Variants in GUCY1A2 observed in about 807,000 individuals in gnomAD.
The protein encoded by GUCY1A2 is guanylate cyclase 1 soluble subunit alpha 2, also known as guanylate cyclase soluble subunit alpha-2.
In GUCY1A2, 27 loss-of-function variants were observed where a neutral mutation model predicts 63.5. That is an observed-to-expected ratio of 0.43 (90% CI 0.31 to 0.59). GUCY1A2 has a LOEUF of 0.59. Ranked by LOEUF, GUCY1A2 falls within the 20% of genes least tolerant of loss-of-function variation. The probability of loss-of-function intolerance (pLI) is 0.11; values close to 1 mark genes in which losing one functional copy is unlikely to be tolerated. For synonymous variants in GUCY1A2, 364 were observed against 343.5 expected (o/e 1.06, Z -0.66); for missense variants, 768 against 913.3 (o/e 0.84, Z 2.05).
intron 6 of GUCY1A2, chr11:106,746,453 A>G (rs990411150): frequency 6.5e-6 from 4 of 613,160 alleles, no homozygotes; most frequent in African/African-American, 3.7e-5. Flanking sequence ...ATGATATTTG[A>G]ATAAATGAAT....
intron 4 of GUCY1A2, among the ~76,000 whole-genome samples, chr11:106,857,393 C>T (rs1329006293): frequency 6.6e-6 from 1 of 152,176 alleles, no homozygotes; most frequent in Non-Finnish European, 1.5e-5. Context: ...GCTCCACCTC[C>T]AAGTACCAAC....
chr11:106,874,524 TTTG>T (rs1859723712), intron 4 of GUCY1A2, among the ~76,000 whole-genome samples: 1 of 152,152 alleles, frequency 6.6e-6, no homozygotes, highest in Non-Finnish European at 1.5e-5. Flanking sequence ...GCTCTGTTCA[TTTG>T]TTGTTTCCAA....
At chr11:106,818,776 A>G (rs902706076) in intron 4 of GUCY1A2, among the ~76,000 whole-genome samples, 2 of 152,168 alleles carry the variant, frequency 1.3e-5, no homozygotes, top group Non-Finnish European at 2.9e-5. Flanking sequence ...ATGATAAGAA[A>G]CTAAAACAGT....
intron 4 of GUCY1A2, among the ~76,000 whole-genome samples, chr11:106,900,489 C>T (rs1445082435): frequency 6.6e-6 from 1 of 152,342 alleles, no homozygotes; most frequent in East Asian, 1.9e-4. Context: ...ATCTAAAAGA[C>T]ATAATTGCGT....
chr11:106,899,837 C>T (rs1392753198), intron 4 of GUCY1A2, among the ~76,000 whole-genome samples: 4 of 152,118 alleles, frequency 2.6e-5, no homozygotes, highest in Admixed American at 6.5e-5. Flanking sequence ...GTAATCCCAG[C>T]ACTTTGGGAG....
At chr11:106,773,390 T>C (rs1189279211) in intron 6 of GUCY1A2, among the ~76,000 whole-genome samples, 3 of 152,202 alleles carry the variant, frequency 2.0e-5, no homozygotes, top group Non-Finnish European at 4.4e-5. Context: ...CTATATGGTA[T>C]ACCAAGGTAT....
At chr11:106,951,373 T>G (rs931388214) in intron 3 of GUCY1A2, among the ~76,000 whole-genome samples, 2 of 152,234 alleles carry the variant, frequency 1.3e-5, no homozygotes, top group Non-Finnish European at 2.9e-5. Context: ...ACAAAAGCAT[T>G]CCTACTTCTC....
At chr11:106,867,361 C>T (rs1330408612) in intron 4 of GUCY1A2, among the ~76,000 whole-genome samples, 6 of 152,014 alleles carry the variant, frequency 3.9e-5, no homozygotes, top group Admixed American at 2.0e-4. Context: ...GATAGACATA[C>T]GTATCAGACA....
chr11:106,861,186 G>A (rs1859506665), intron 4 of GUCY1A2, among the ~76,000 whole-genome samples: 1 of 151,914 alleles, frequency 6.6e-6, no homozygotes, highest in African/African-American at 2.4e-5. Flanking sequence ...CAAGGTTGCA[G>A]ACCTCATAAC....
intron 4 of GUCY1A2, among the ~76,000 whole-genome samples, chr11:106,924,622 T>C (rs1176054972): frequency 6.6e-6 from 1 of 152,200 alleles, no homozygotes; most frequent in Non-Finnish European, 1.5e-5. Context: ...GGCCTTAGTA[T>C]GTCTCTACCT....
chr11:106,838,660 G>A (rs764361046), intron 4 of GUCY1A2, among the ~76,000 whole-genome samples: 127 of 151,724 alleles, frequency 8.4e-4, no homozygotes, highest in Non-Finnish European at 1.6e-3. Context: ...TTCGTGATTT[G>A]AAAAATGTCA....
chr11:106,703,880 A>C (rs1012682293), intron 7 of GUCY1A2, among the ~76,000 whole-genome samples: 1 of 151,972 alleles, frequency 6.6e-6, no homozygotes, highest in East Asian at 1.9e-4. Flanking sequence ...TACATATATG[A>C]TTCCCACATT....
chr11:106,694,678 C>T (rs623018), intron 7 of GUCY1A2, among the ~76,000 whole-genome samples: 14,443 of 152,176 alleles, frequency 0.095, 988 homozygotes, highest in East Asian at 0.31. Context: ...CATATTTAGG[C>T]ATCCATTTTT....
At chr11:106,700,880 T>G (rs538847233) in intron 7 of GUCY1A2, among the ~76,000 whole-genome samples, 135 of 152,098 alleles carry the variant, frequency 8.9e-4, no homozygotes, top group African/African-American at 3.0e-3. Flanking sequence ...ACATTAAGCG[T>G]CCATAGGAAG....
chr11:106,872,312 G>A (rs1322799096), intron 4 of GUCY1A2, among the ~76,000 whole-genome samples: 2 of 152,196 alleles, frequency 1.3e-5, no homozygotes, highest in Admixed American at 1.3e-4. Context: ...GACAATTATA[G>A]CAATAAAAAT....
chr11:106,823,125 T>C (rs988025929), intron 4 of GUCY1A2, among the ~76,000 whole-genome samples: 2 of 152,256 alleles, frequency 1.3e-5, no homozygotes, highest in African/African-American at 4.8e-5. Context: ...AGGGGGAACA[T>C]GTACATGTTT....
At chr11:106,688,920 G>A (rs1862573949) in intron 7 of GUCY1A2, among the ~76,000 whole-genome samples, 2 of 152,154 alleles carry the variant, frequency 1.3e-5, no homozygotes, top group South Asian at 2.1e-4. Flanking sequence ...GGTTAAGGCT[G>A]GGGCAGTAGG....
chr11:106,850,995 C>T (rs776522691), intron 4 of GUCY1A2, among the ~76,000 whole-genome samples: 1 of 151,852 alleles, frequency 6.6e-6, no homozygotes, highest in Non-Finnish European at 1.5e-5. Flanking sequence ...GCATCTTTGC[C>T]AGCATTTGTT....
At chr11:106,881,660 C>T (rs1036132817) in intron 4 of GUCY1A2, among the ~76,000 whole-genome samples, 22 of 151,988 alleles carry the variant, frequency 1.4e-4, no homozygotes, top group Admixed American at 9.2e-4. Context: ...CATTCTTCCT[C>T]TTCTCCCCAG....
Sources: allele counts gnomAD v4.1 joint callset (sites outside exome capture counted in the v4.1 genomes callset), GRCh38; gene constraint gnomAD v4.1.1; transcripts MANE v1.5; gene names NCBI Gene and HGNC (gene_info 2026-07-23, HGNC 2026-07-21).